The following ADAM30 variants were observed in gnomAD, a reference collection of about 807,000 sequenced individuals.
The protein encoded by ADAM30 is disintegrin and metalloproteinase domain-containing protein 30.
For missense variants in ADAM30, 960 were observed against 959.4 expected (o/e 1.00, Z -0.01); for synonymous variants, 382 against 340.9 (o/e 1.12, Z -1.33).
chr1:119,896,259 A>C lies in ADAM30; in HGVS notation c.78T>G (p.Leu26=). The change falls in exon 1 of 1, where the codon CTT becomes CTG. Residue 26 remains leucine (L), a synonymous_variant. Transcript: ENST00000369400. ...CAGGGTGAAAAATTACATCTTCGCC[A>C]AGAGACTTAAGGAGCATTGTCGGAA... The part of the protein sequence containing the change: ...LLVPTMLLKS[L]GEDVIFHPEG... 1 of 1,613,594 alleles carries C rather than the reference A, an allele frequency of 6.2e-7. No individual in the cohort carries two copies. The highest frequency in any genetic ancestry group is 8.5e-7 in the Non-Finnish European group (1 of 1,179,766).
Position 119,896,168 on chromosome 1 carries a change from C to G in ADAM30, c.169G>C (p.Gly57Arg). The G allele has an allele frequency of 6.2e-7, 1 of 1,614,136 alleles. No individual in the cohort carries two copies. Among genetic ancestry groups the G allele is most frequent in the Non-Finnish European group, 8.5e-7 (1 of 1,180,008 alleles). ...EKLSFRGEVQGVVSPVSYLLQ... is the reference protein window; with the variant it reads ...EKLSFRGEVQRVVSPVSYLLQ... ...AGGTAGGACACGGGACTGACCACAC[C>G]CTGCACCTCTCCCCGGAAGCTCAGC... Residue 57 changes from glycine to arginine, a missense_variant, in exon 1 of 1, where the codon GGT (glycine) becomes CGT (arginine). Gly to Arg is a moderately radical substitution (Grantham distance 125). Transcript: ENST00000369400.
At position 119,894,785 on chromosome 1, in the gene ADAM30, C is replaced by G; in HGVS notation, c.1552G>C (p.Ala518Pro). Residue 518 changes from alanine (A) to proline (P), a missense_variant, in exon 1 of 1, where the codon GCT becomes CCT. Transcript: ENST00000369400. ...ACTGCATCATAGCACTCACTAGGAG[C>G]CTCCATGGCATCAGGTCCAAAAATG... The part of the protein sequence containing the change: ...QSIFGPDAME[A>P]PSECYDAVNL... 1.2e-6 allele frequency: 2 copies of G among 1,614,204 alleles called. No homozygotes were observed. The highest frequency in any genetic ancestry group is 1.7e-6 in the Non-Finnish European group (2 of 1,180,042).
At position 119,894,560 on chromosome 1, in the gene ADAM30, G is replaced by A; in HGVS notation, c.1777C>T (p.Leu593=). 6.2e-7 allele frequency: 1 copy of A among 1,614,048 alleles called. No homozygotes were observed. Among genetic ancestry groups the A allele is most frequent in the South Asian group, 1.1e-5 (1 of 91,080 alleles). The change falls in exon 1 of 1, where the codon CTA becomes TTA. Residue 593 remains leucine, a synonymous_variant. Transcript: ENST00000369400. ...NLMCWGTGYH[L]SMKPMGIPDL... Reference sequence around the variant, plus strand: ...GGTATTCCCATGGGTTTCATGGATAGATGATAGCCTGTGCCCCAGCACATG... The same window carrying A: ...GGTATTCCCATGGGTTTCATGGATAAATGATAGCCTGTGCCCCAGCACATG...
Position 119,894,506 on chromosome 1 carries a change from A to G in ADAM30, c.1831T>C (p.Ser611Pro), listed in dbSNP as rs1180208850. 6.2e-7 allele frequency: 1 copy of G among 1,613,946 alleles called. No individual in the cohort carries two copies. The highest frequency in any genetic ancestry group is 1.3e-5 in the African/African-American group (1 of 74,914). ...PDLGMINDGTSCGEGRVCFKK... is the reference protein window; with the variant it reads ...PDLGMINDGTPCGEGRVCFKK... ...AAACATACCCGGCCTTCTCCACAGGAGGTGCCATCATTTATCATACCTAGG... is the reference window on the plus strand; with the variant it reads ...AAACATACCCGGCCTTCTCCACAGGGGGTGCCATCATTTATCATACCTAGG... The change falls in exon 1 of 1, where the codon TCC becomes CCC. Residue 611 changes from serine to proline, a missense_variant. Coordinates refer to ENST00000369400, the MANE Select transcript of ADAM30 (RefSeq NM_021794.4).
chr1:119,895,550 G>C lies in ADAM30; in HGVS notation c.787C>G (p.Arg263Gly), dbSNP rs200088734. The change falls in exon 1 of 1, where the codon CGC becomes GGC. Residue 263 changes from arginine to glycine, a missense_variant. Coordinates refer to ENST00000369400, the MANE Select transcript of ADAM30 (RefSeq NM_021794.4). The stretch of plus-strand genomic sequence containing the variant: ...TCAGCTAACTCTGGATATCCAACGC[G>C]TATTTTGTTAAAATCTGTCCATACT... Reference protein sequence around the residue: ...LEVWTDFNKIRVGYPELAEVL... With the variant: ...LEVWTDFNKIGVGYPELAEVL... 1.4e-5 allele frequency: 22 copies of C among 1,613,650 alleles called. No individual in the cohort carries two copies. In the East Asian group the frequency reaches 4.9e-4, roughly 36 times the overall value.
At position 119,896,449 on chromosome 1, in the gene ADAM30, C is replaced by T; in HGVS notation, c.-113G>A. 1.4e-6 allele frequency: 2 copies of T among 1,419,624 alleles called. No homozygotes were observed. Among genetic ancestry groups the T allele is most frequent in the Non-Finnish European group, 1.8e-6 (2 of 1,085,358 alleles). The allele number at this position is 1,419,624 out of a possible 1,614,324, so 87.9% of individuals were successfully genotyped here. On this transcript the variant is annotated 5_prime_UTR_variant, in exon 1 of 1. Coordinates refer to ENST00000369400, the MANE Select transcript of ADAM30 (RefSeq NM_021794.4). Reference sequence around the variant, plus strand: ...GCGCCTGAGCTCAAAACCCGGCTCCCCTGGCAGGGTTTCCGGGGGAGCCCG... The same window carrying T: ...GCGCCTGAGCTCAAAACCCGGCTCCTCTGGCAGGGTTTCCGGGGGAGCCCG...
Position 119,895,150 on chromosome 1 carries a change from CCT to C in ADAM30, c.1185_1186del (p.Gly396LeufsTer4), listed in dbSNP as rs1353327070. ...GTTTCCACATCTCTTAAGCACATAA[CCT>C]AGTCCTGGGATATTATTTAGACATG... On this transcript the variant is annotated frameshift_variant, in exon 1 of 1. Coordinates refer to ENST00000369400, the MANE Select transcript of ADAM30 (RefSeq NM_021794.4). LOFTEE classifies it low-confidence loss of function (END_TRUNC). 6.2e-7 allele frequency: 1 copy of C among 1,614,152 alleles called. No homozygotes were observed. Among genetic ancestry groups the C allele is most frequent in the East Asian group, 2.2e-5 (1 of 44,880 alleles).
rs1648561064 is a variant in ADAM30, at chr1:119,895,637, T to G, written c.700A>C (p.Thr234Pro). The G allele has an allele frequency of 6.2e-7, 1 of 1,613,978 alleles. No individual in the cohort carries two copies. The highest frequency in any genetic ancestry group is 1.3e-5 in the African/African-American group (1 of 74,920). Residue 234 changes from threonine to proline, a missense_variant, in exon 1 of 1, where the codon ACT becomes CCT. By Grantham distance (38) the Thr-to-Pro change is conservative. Coordinates refer to ENST00000369400, the MANE Select transcript of ADAM30 (RefSeq NM_021794.4). ...TGAAAGTAGGTGTCCATAATCCCAGTCAAAAGAATGGCATCATGTATGACT... is the reference window on the plus strand; with the variant it reads ...TGAAAGTAGGTGTCCATAATCCCAGGCAAAAGAATGGCATCATGTATGACT... ...SQVIHDAILLTGIMDTYFQDV... is the reference protein window; with the variant it reads ...SQVIHDAILLPGIMDTYFQDV...
At position 119,895,954 on chromosome 1, in the gene ADAM30, G is replaced by A. The variant is rs147294252; in HGVS notation, c.383C>T (p.Thr128Ile). The change falls in exon 1 of 1, where the codon ACA becomes ATA. Residue 128 changes from threonine to isoleucine, a missense_variant. Transcript: ENST00000369400. ...TACACCTCGGAGACCCCCCATGCAT[G>A]TGCTTATAGTAGCTTTAGAGTCCAG... Reference protein sequence around the residue: ...ESLDSKATISTCMGGLRGVFN... With the variant: ...ESLDSKATISICMGGLRGVFN... 5,639 of 1,614,170 alleles carry A rather than the reference G, an allele frequency of 3.5e-3. 19 individuals are homozygous for A. Among genetic ancestry groups the A allele is most frequent in the Non-Finnish European group, 3.7e-3 (4,398 of 1,180,032 alleles).
rs767386788 is a variant in ADAM30, at chr1:119,894,324, G to A, written c.2013C>T (p.Asp671=). The A allele has an allele frequency of 1.8e-5, 29 of 1,614,070 alleles. No homozygotes were observed. In the Admixed American group the frequency reaches 4.8e-4, roughly 27 times the overall value. ...CEEVGYGGSI[D]SGPPGLLRGA... ...CTCTGAGCAGTCCTGGAGGCCCACT[G>A]TCAATGCTTCCTCCATACCCCACTT... The change falls in exon 1 of 1, where the codon GAC becomes GAT. Residue 671 remains aspartate, a synonymous_variant. Coordinates refer to ENST00000369400, the MANE Select transcript of ADAM30 (RefSeq NM_021794.4).
At position 119,893,960 on chromosome 1, in the gene ADAM30, C is replaced by T. The variant is rs755555218; in HGVS notation, c.*4G>A. ...GTGTTACTGAATGAGTATGGATTGCCCGGTTACTTTTTTTGTTTCTTGACA... is the reference window on the plus strand; with the variant it reads ...GTGTTACTGAATGAGTATGGATTGCTCGGTTACTTTTTTTGTTTCTTGACA... On this transcript the variant is annotated 3_prime_UTR_variant, in exon 1 of 1. Coordinates refer to ENST00000369400, the MANE Select transcript of ADAM30 (RefSeq NM_021794.4). 4.4e-6 allele frequency: 7 copies of T among 1,605,276 alleles called. No homozygotes were observed. Among genetic ancestry groups the T allele is most frequent in the Non-Finnish European group, 5.9e-6 (7 of 1,177,642 alleles).
rs587668605 is a variant in ADAM30 at position 119,893,965 on chromosome 1, T to C, written c.2372A>G (p.Ter791=). The C allele has an allele frequency of 3.1e-6, 5 of 1,606,266 alleles. No homozygotes were observed. The South Asian group carries it at 5.6e-5, about 18-fold the overall frequency. The change falls in exon 1 of 1, where the codon TAA becomes TGA. Residue 791 remains the stop codon, a stop_retained_variant. Transcript: ENST00000369400. ...KAKSVKKQKK[*] is the part of the protein sequence containing the mutation. ...ACTGAATGAGTATGGATTGCCCGGT[T>C]ACTTTTTTTGTTTCTTGACACTCTT...
At position 119,895,134 on chromosome 1, in the gene ADAM30, T is replaced by A. The variant is rs763562788; in HGVS notation, c.1203A>T (p.Arg401Ser). The change falls in exon 1 of 1, where the codon AGA becomes AGT. Residue 401 changes from arginine (R) to serine (S), a missense_variant. Coordinates refer to ENST00000369400, the MANE Select transcript of ADAM30 (RefSeq NM_021794.4). ...TGTCCTCCACAATTTTGTTTCCACA[T>A]CTCTTAAGCACATAACCTAGTCCTG... ...NIPGLGYVLK[R>S]CGNKIVEDNE... 6.2e-7 allele frequency: 1 copy of A among 1,614,030 alleles called. No homozygotes were observed. Among genetic ancestry groups the A allele is most frequent in the Non-Finnish European group, 8.5e-7 (1 of 1,180,042 alleles).
chr1:119,895,378 G>A lies in ADAM30; in HGVS notation c.959C>T (p.Ser320Leu). ...GKVCSLEYAG[S>L]VSTLLDTNIL... is the part of the protein sequence containing the mutation. The stretch of plus-strand genomic sequence containing the variant: ...ATTTGTATCTAGTAAAGTACTCACT[G>A]ATCCAGCATATTCTAGAGAACACAC... Residue 320 changes from serine to leucine, a missense_variant, in exon 1 of 1, where the codon TCA (serine) becomes TTA (leucine). Transcript: ENST00000369400. 2 of 1,614,148 alleles carry A rather than the reference G, an allele frequency of 1.2e-6. No individual in the cohort carries two copies. Among genetic ancestry groups the A allele is most frequent in the Non-Finnish European group, 1.7e-6 (2 of 1,180,032 alleles).
Position 119,894,372 on chromosome 1 carries a change from C to T in ADAM30, c.1965G>A (p.Gly655=). The change falls in exon 1 of 1, where the codon GGG becomes GGA. Residue 655 remains glycine, a synonymous_variant. Transcript: ENST00000369400. The stretch of plus-strand genomic sequence containing the variant: ...CTTCCTCACAGAATGGAGGTGCCCA[C>T]CCATACATGCAGTGGCAGTTTTTTC... ...NNRKNCHCMY[G]WAPPFCEEVG... is the part of the protein sequence containing the mutation. 1.9e-6 allele frequency: 3 copies of T among 1,614,224 alleles called. No individual in the cohort carries two copies. The highest frequency in any genetic ancestry group is 2.5e-6 in the Non-Finnish European group (3 of 1,180,036).
chr1:119,894,468 G>A lies in ADAM30; in HGVS notation c.1869C>T (p.Cys623=), dbSNP rs200823597. ...CAAACTGCAGGACTGAGCTATTGAC[G>A]CAATTTTTTTTAAAACATACCCGGC... ...GEGRVCFKKN[C]VNSSVLQFDC... Residue 623 remains cysteine, a synonymous_variant, in exon 1 of 1, where the codon TGC becomes TGT. Transcript: ENST00000369400. 148 of 1,614,080 alleles carry A rather than the reference G, an allele frequency of 9.2e-5. 1 individual carries two copies. In the Admixed American group the frequency reaches 1.1e-3, roughly 13 times the overall value.
rs1648582189 is a variant in ADAM30 at position 119,896,130 on chromosome 1, T to C, written c.207A>G (p.Lys69=). ...ACAAATGGAGGACGTGCTTCTTGCC[T>C]TTTAACTGCAGTAGGTAGGACACGG... ...VSPVSYLLQL[K]GKKHVLHLWP... The change falls in exon 1 of 1, where the codon AAA becomes AAG. Residue 69 remains lysine, a synonymous_variant. Coordinates refer to ENST00000369400, the MANE Select transcript of ADAM30 (RefSeq NM_021794.4). 1 of 1,614,030 alleles carries C rather than the reference T, an allele frequency of 6.2e-7. No individual in the cohort carries two copies.
In ADAM30 at chr1:119,893,949, G is replaced by T; in HGVS notation, c.*15C>A. ...TAAATGAGCCTGTGTTACTGAATGA[G>T]TATGGATTGCCCGGTTACTTTTTTT... is the stretch of plus-strand genomic sequence containing the variant. On this transcript the variant is annotated 3_prime_UTR_variant, in exon 1 of 1. Coordinates refer to ENST00000369400, the MANE Select transcript of ADAM30 (RefSeq NM_021794.4). The T allele has an allele frequency of 6.3e-7, 1 of 1,599,938 alleles. No individual in the cohort carries two copies. The highest frequency in any genetic ancestry group is 8.5e-7 in the Non-Finnish European group (1 of 1,175,866).
At position 119,893,788 on chromosome 1, in the gene ADAM30, A is replaced by G; in HGVS notation, c.*176T>C. 1 of 1,303,538 alleles carries G rather than the reference A, an allele frequency of 7.7e-7. No homozygotes were observed. Among genetic ancestry groups the G allele is most frequent in the Admixed American group, 3.0e-5 (1 of 33,544 alleles). The allele number at this position is 1,303,538 out of a possible 1,614,324, so 80.7% of individuals were successfully genotyped here. A position where few individuals can be genotyped will look rare whatever the true frequency, so the allele number is the denominator to read the frequency against. On this transcript the variant is annotated 3_prime_UTR_variant, in exon 1 of 1. Coordinates refer to ENST00000369400, the MANE Select transcript of ADAM30 (RefSeq NM_021794.4). ...AAACTGAGGGGCAAGTGAACACTCG[A>G]GAAGTAGAATGCACTGGTTTGTTTC...
Sources: gnomAD v4.1 joint callset for allele counts on GRCh38, gnomAD v4.1.1 for gene constraint, MANE v1.5 for transcripts, NCBI Gene and HGNC (gene_info 2026-07-23, HGNC 2026-07-21) for gene names.